The following NCKAP5 variants were observed in gnomAD, a reference collection of about 807,000 sequenced individuals.
The protein encoded by NCKAP5 is NCK associated protein 5, also known as nck-associated protein 5.
A neutral mutation model predicts 167.0 loss-of-function variants in NCKAP5; 92 were observed. The ratio of observed to expected loss-of-function variants is 0.55; its 90% CI spans 0.47 to 0.66. NCKAP5 has a LOEUF of 0.66. NCKAP5 is among the 30% of genes least tolerant of loss of function. The pLI is 0.00. For missense variants in NCKAP5, 2,378 were observed against 2,315.0 expected, an observed-to-expected ratio of 1.03 and a Z score of -0.56; for synonymous variants, 891 against 877.4, an observed-to-expected ratio of 1.02 and a Z score of -0.27.
intron 6 of NCKAP5, among the ~76,000 whole-genome samples, chr2:133,028,085 C>T (rs2078757214): frequency 6.6e-6 from 1 of 152,106 alleles, no homozygotes. Context: ...CCAGTAAGTA[C>T]AATGCAAATA....
chr2:133,404,312 T>C (rs1354040012), intron 3 of NCKAP5, among the ~76,000 whole-genome samples: 2 of 152,206 alleles, frequency 1.3e-5, no homozygotes, highest in Non-Finnish European at 2.9e-5. Flanking sequence ...AAAACTTTGT[T>C]ATAGTAGTCC....
chr2:133,661,412 A>T, the NCKAP5 span, among the ~76,000 whole-genome samples: 1 of 152,200 alleles, frequency 6.6e-6, no homozygotes, highest in African/African-American at 2.4e-5. Flanking sequence ...TAATACTAGC[A>T]TTTAAAATGG....
intron 3 of NCKAP5, among the ~76,000 whole-genome samples, chr2:133,406,143 T>C (rs1312188089): frequency 6.6e-6 from 1 of 152,186 alleles, no homozygotes; most frequent in African/African-American, 2.4e-5. Context: ...GTGTCTCACA[T>C]TGGAAGCATC....
intron 4 of NCKAP5, among the ~76,000 whole-genome samples, chr2:133,259,422 C>A (rs1026603016): frequency 6.6e-6 from 1 of 152,020 alleles, no homozygotes; most frequent in Non-Finnish European, 1.5e-5. Flanking sequence ...ACTCATGAAA[C>A]CTAAGATCTT....
intron 16 of NCKAP5, among the ~76,000 whole-genome samples, chr2:132,743,355 T>C (rs993387334): frequency 1.3e-5 from 2 of 151,970 alleles, no homozygotes; most frequent in East Asian, 1.9e-4. Flanking sequence ...ATATGATCTA[T>C]ATATATATTT....
intron 6 of NCKAP5, 78 bp downstream of exon 6, chr2:133,129,900 T>G: frequency 7.0e-7 from 1 of 1,430,452 alleles, no homozygotes; most frequent in Non-Finnish European, 9.2e-7. Flanking sequence ...GCTTACTCAA[T>G]GGACATTCAA....
intron 4 of NCKAP5, among the ~76,000 whole-genome samples, chr2:133,237,624 G>A (rs753015034): frequency 9.2e-5 from 14 of 152,172 alleles, no homozygotes; most frequent in Non-Finnish European, 1.8e-4. Context: ...TGAGACACAC[G>A]TGTAAACAAA....
intron 3 of NCKAP5, among the ~76,000 whole-genome samples, chr2:133,470,924 TGA>T (rs1679225964): frequency 6.6e-6 from 1 of 152,228 alleles, no homozygotes; most frequent in Admixed American, 6.5e-5. Context: ...CACTCCCTAG[TGA>T]GATGAACCCA....
chr2:132,759,209 C>T (rs980623528), intron 16 of NCKAP5, among the ~76,000 whole-genome samples: 2 of 151,992 alleles, frequency 1.3e-5, no homozygotes, highest in African/African-American at 4.8e-5. Flanking sequence ...GTATAGTATT[C>T]CATAGTATAG....
chr2:132,705,234 CA>C (rs1204785211), intron 19 of NCKAP5, among the ~76,000 whole-genome samples: 1 of 151,998 alleles, frequency 6.6e-6, no homozygotes, highest in Non-Finnish European at 1.5e-5. Flanking sequence ...TTACTTCCAT[CA>C]GCATACAATG....
At chr2:132,902,247 C>A (rs1231721654) in intron 8 of NCKAP5, among the ~76,000 whole-genome samples, 1 of 152,034 alleles carries the variant, frequency 6.6e-6, no homozygotes, top group Non-Finnish European at 1.5e-5. Flanking sequence ...AATGAGAAAT[C>A]CAGGACAGCA....
chr2:132,860,758 C>G (rs898924023), intron 10 of NCKAP5, 147 bp from the exon 11 acceptor site: 1 of 1,084,446 alleles, frequency 9.2e-7, no homozygotes, highest in Non-Finnish European at 1.3e-6. Flanking sequence ...CATACGTTTT[C>G]GTCCACAGAC....
At chr2:133,188,815 G>T (rs1309775294) in intron 5 of NCKAP5, among the ~76,000 whole-genome samples, 1 of 152,016 alleles carries the variant, frequency 6.6e-6, no homozygotes, top group African/African-American at 2.4e-5. Context: ...AGCACTAAAT[G>T]CCCACAAGAG....
intron 7 of NCKAP5, among the ~76,000 whole-genome samples, chr2:132,979,286 T>C (rs2149262248): frequency 6.6e-6 from 1 of 152,322 alleles, no homozygotes; most frequent in East Asian, 1.9e-4. Context: ...CTAATGCAGA[T>C]GAAATGATTT....
At chr2:132,731,706 T>C in intron 17 of NCKAP5, 31 bp downstream of exon 17, 1 of 1,532,620 alleles carries the variant, frequency 6.5e-7, no homozygotes, top group Non-Finnish European at 8.8e-7. Context: ...TCAGCAAATG[T>C]CTTATTAAGG....
the NCKAP5 span, among the ~76,000 whole-genome samples, chr2:133,663,084 G>T: frequency 2.5e-4 from 38 of 152,040 alleles, no homozygotes; most frequent in African/African-American, 9.2e-4. Context: ...GGCTAACAAG[G>T]CGAAACCCCG....
At chr2:132,718,079 A>G (rs1391237067) in intron 19 of NCKAP5, among the ~76,000 whole-genome samples, 1 of 152,158 alleles carries the variant, frequency 6.6e-6, no homozygotes, top group East Asian at 1.9e-4. Context: ...GTACTGGATT[A>G]CCTTCTCTCT....
intron 8 of NCKAP5, among the ~76,000 whole-genome samples, chr2:132,894,453 T>C (rs1426777430): frequency 1.3e-5 from 2 of 152,234 alleles, no homozygotes; most frequent in African/African-American, 4.8e-5. Context: ...TTTTTTTCTT[T>C]TCCTACAGGG....
chr2:132,973,074 G>A (rs1374610903), intron 7 of NCKAP5, among the ~76,000 whole-genome samples: 1 of 152,076 alleles, frequency 6.6e-6, no homozygotes, highest in Non-Finnish European at 1.5e-5. Flanking sequence ...AGTTCCACTG[G>A]GTGGATATAA....
Sources: gnomAD v4.1 joint callset for allele counts (sites outside exome capture counted in the v4.1 genomes callset) on GRCh38, gnomAD v4.1.1 for gene constraint, MANE v1.5 for transcripts, NCBI Gene and HGNC (gene_info 2026-07-23, HGNC 2026-07-21) for gene names.